Variants in FOXP2 observed in about 807,000 individuals in gnomAD.
FOXP2 encodes forkhead box P2, also known as forkhead box protein P2.
FOXP2 carries 12 observed loss-of-function variants against 115.8 expected under a neutral mutation model. The observed-to-expected ratio is 0.10, with a 90% CI of 0.07 to 0.17. The LOEUF (loss-of-function observed/expected upper bound fraction) is 0.17, where lower values mean the gene tolerates loss of function less well. FOXP2 is among the 10% of genes least tolerant of loss of function. FOXP2 has a pLI of 1.00. For synonymous variants in FOXP2, 328 were observed against 297.7 expected, an observed-to-expected ratio of 1.10 and a Z score of -1.05; for missense variants, 629 against 843.5, an observed-to-expected ratio of 0.75 and a Z score of 3.15.
chr7:114,373,379 G>C (rs187434993), intron 2 of FOXP2, among the ~76,000 whole-genome samples: 5 of 151,836 alleles, frequency 3.3e-5, no homozygotes, highest in African/African-American at 9.7e-5. Flanking sequence ...GTGGATTTAC[G>C]TACTGTGTTG....
intron 6 of FOXP2, among the ~76,000 whole-genome samples, chr7:114,641,243 A>C (rs1805512714): frequency 6.6e-6 from 1 of 152,218 alleles, no homozygotes; most frequent in Non-Finnish European, 1.5e-5. Flanking sequence ...GTCTATAAAA[A>C]ATATACAAAG....
rs200530877 is a variant in FOXP2 at position 114,548,057 on chromosome 7, A to G, written c.258+13351A>G. On this transcript the variant is annotated intron_variant, in intron 3 of 16. Coordinates refer to ENST00000350908, the MANE Select transcript of FOXP2 (RefSeq NM_014491.4). ...TGCTCAAGGATGAGACAGAGGACCA[A>G]GGTTCCTTTTAGCTAGCTTCCTGCT... is the stretch of plus-strand genomic sequence containing the variant. Among the ~76,000 whole-genome samples, 8 of 152,226 alleles carry G rather than the reference A, an allele frequency of 5.3e-5. No individual in the cohort carries two copies. The East Asian group carries it at 1.5e-3, about 29-fold the overall frequency.
At chr7:114,210,890 G>A (rs907064606) in intron 1 of FOXP2, among the ~76,000 whole-genome samples, 1 of 152,034 alleles carries the variant, frequency 6.6e-6, no homozygotes, top group African/African-American at 2.4e-5. Flanking sequence ...GAAATCGATC[G>A]GGGTCCCACT....
At chr7:114,407,587 T>C (rs1306718539) in intron 2 of FOXP2, among the ~76,000 whole-genome samples, 1 of 152,136 alleles carries the variant, frequency 6.6e-6, no homozygotes, top group Non-Finnish European at 1.5e-5. Flanking sequence ...ATCAGCCTTT[T>C]GAACAATATG....
intron 2 of FOXP2, among the ~76,000 whole-genome samples, chr7:114,435,563 G>A (rs540102583): frequency 2.6e-5 from 4 of 152,108 alleles, no homozygotes; most frequent in Admixed American, 6.5e-5. Context: ...TTGAGATGGA[G>A]TATTGCTCTT....
chr7:114,283,316 C>A (rs1009907166), intron 1 of FOXP2, among the ~76,000 whole-genome samples: 3 of 152,116 alleles, frequency 2.0e-5, no homozygotes, highest in African/African-American at 7.2e-5. Flanking sequence ...TGTTGAACAT[C>A]AGTTACACAT....
chr7:114,574,815 C>G (rs1801493666), intron 3 of FOXP2, among the ~76,000 whole-genome samples: 1 of 151,842 alleles, frequency 6.6e-6, no homozygotes, highest in South Asian at 2.1e-4. Context: ...AGCATTGAGC[C>G]AGATGAATCT....
chr7:114,540,996 A>G (rs1584871606), intron 3 of FOXP2, among the ~76,000 whole-genome samples: 3 of 152,124 alleles, frequency 2.0e-5, no homozygotes, highest in African/African-American at 7.2e-5. Context: ...AAATTATCAA[A>G]GCAGTGGTCT....
At chr7:114,631,411 A>G in intron 5 of FOXP2, 117 bp from the exon 6 acceptor site, 1 of 1,520,758 alleles carries the variant, frequency 6.6e-7, no homozygotes, top group Non-Finnish European at 8.8e-7. Context: ...AACTTTGACT[A>G]TGGGATGACC....
intron 1 of FOXP2, among the ~76,000 whole-genome samples, chr7:114,100,404 T>C (rs1238012145): frequency 6.6e-6 from 1 of 152,170 alleles, no homozygotes; most frequent in Non-Finnish European, 1.5e-5. Flanking sequence ...TATTAAAACT[T>C]TATCTCAATT....
intron 2 of FOXP2, among the ~76,000 whole-genome samples, chr7:114,393,844 G>A (rs1792669573): frequency 6.6e-6 from 1 of 152,132 alleles, no homozygotes; most frequent in Non-Finnish European, 1.5e-5. Context: ...GTACAAATCT[G>A]GAAAGGCAGA....
intron 1 of FOXP2, among the ~76,000 whole-genome samples, chr7:114,237,200 G>A (rs1795032145): frequency 6.6e-6 from 1 of 152,132 alleles, no homozygotes. Context: ...ATTTGTACGA[G>A]TATGAGTGAT....
Position 114,294,863 on chromosome 7 carries a change from A to ATACATAC in FOXP2, c.-11+6754_-11+6755insTACATAC, listed in dbSNP as rs1562858444. 5.7e-4 allele frequency among the ~76,000 whole-genome samples: 86 copies of ATACATAC among 150,234 alleles called. 1 individual carries two copies. The highest frequency in any genetic ancestry group is 2.1e-3 in the African/African-American group (86 of 40,036). On this transcript the variant is annotated intron_variant, in intron 2 of 17. Coordinates refer to the FOXP2 transcript ENST00000634411. ...CTCAAAATAAATAAATAAATAAATAAATACATACATACATACATACATACA... is the reference window on the plus strand; with the variant it reads ...CTCAAAATAAATAAATAAATAAATAATACATACATACATACATACATACATACATACA...
intron 1 of FOXP2, among the ~76,000 whole-genome samples, chr7:114,116,250 G>A (rs988092490): frequency 1.3e-5 from 2 of 152,126 alleles, no homozygotes; most frequent in African/African-American, 4.8e-5. Flanking sequence ...TCTTTGGAGA[G>A]CCTTCCAGGA....
chr7:114,098,166 C>T (rs867702041), intron 1 of FOXP2, among the ~76,000 whole-genome samples: 6 of 151,918 alleles, frequency 3.9e-5, no homozygotes, highest in Admixed American at 1.3e-4. Flanking sequence ...ACCGGGGAGA[C>T]GATAAGCCTG....
At chr7:114,533,366 C>T (rs1185135400) in intron 2 of FOXP2, among the ~76,000 whole-genome samples, 3 of 151,968 alleles carry the variant, frequency 2.0e-5, no homozygotes, top group Non-Finnish European at 4.4e-5. Context: ...AGGGTTAAGA[C>T]GTGGCAACTT....
intron 16 of FOXP2, among the ~76,000 whole-genome samples, chr7:114,674,006 T>A (rs777373573): frequency 4.6e-5 from 7 of 152,058 alleles, no homozygotes; most frequent in Non-Finnish European, 8.8e-5. Context: ...CTGGCTGGAC[T>A]GATACTGACT....
intron 16 of FOXP2, among the ~76,000 whole-genome samples, chr7:114,671,827 C>G (rs1388476792): frequency 3.9e-5 from 6 of 152,030 alleles, no homozygotes; most frequent in Non-Finnish European, 7.4e-5. Flanking sequence ...TCAGAATATT[C>G]CTTTATGTGA....
intron 1 of FOXP2, chr7:114,287,921 T>A (rs1368281359): frequency 3.3e-6 from 1 of 299,044 alleles, no homozygotes; most frequent in Non-Finnish European, 6.7e-6. Flanking sequence ...TTTTAAAGGA[T>A]GAATATGTTT....
Sources: gnomAD v4.1 joint callset for allele counts (sites outside exome capture counted in the v4.1 genomes callset) on GRCh38, gnomAD v4.1.1 for gene constraint, MANE v1.5 for transcripts, NCBI Gene and HGNC (gene_info 2026-07-23, HGNC 2026-07-21) for gene names.